The following GULP1 variants were observed in gnomAD, a reference collection of about 807,000 sequenced individuals.
GULP1 encodes the protein GULP PTB domain containing engulfment adaptor 1.
Under a neutral mutation model 40.9 loss-of-function variants are expected in GULP1, and 19 were observed. The ratio of observed to expected loss-of-function variants is 0.46; its 90% CI spans 0.32 to 0.68. GULP1 has a LOEUF of 0.68. Among genes scored for constraint, GULP1 ranks in the 30% least tolerant of loss-of-function variants. The pLI, the probability that GULP1 is intolerant of heterozygous loss-of-function variation, is 0.03. For synonymous variants in GULP1, 119 were observed against 117.6 expected (o/e 1.01, Z -0.08); for missense variants, 312 against 362.2 (o/e 0.86, Z 1.12).
At chr2:188,368,788 C>T (rs1322834400) in intron 1 of GULP1, among the ~76,000 whole-genome samples, 1 of 150,784 alleles carries the variant, frequency 6.6e-6, no homozygotes, top group Non-Finnish European at 1.5e-5. Context: ...AAATGAAAAA[C>T]ATATTTCCTT....
intron 7 of GULP1, among the ~76,000 whole-genome samples, chr2:188,555,747 A>G (rs1311606035): frequency 6.6e-6 from 1 of 152,050 alleles, no homozygotes; most frequent in African/African-American, 2.4e-5. Flanking sequence ...GGATATTTAT[A>G]TCTCCTGCTA....
At chr2:188,469,516 G>T (rs1377605326) in intron 2 of GULP1, among the ~76,000 whole-genome samples, 1 of 152,104 alleles carries the variant, frequency 6.6e-6, no homozygotes, top group Non-Finnish European at 1.5e-5. Flanking sequence ...TTCTGGGGAG[G>T]CTTCAGGAAC....
At chr2:188,325,589 A>T (rs1367719448) in intron 1 of GULP1, among the ~76,000 whole-genome samples, 1 of 152,054 alleles carries the variant, frequency 6.6e-6, no homozygotes, top group Non-Finnish European at 1.5e-5. Flanking sequence ...ATAATTTTTT[A>T]TGTTTAATTT....
At chr2:188,416,174 T>G (rs2054553159) in intron 2 of GULP1, among the ~76,000 whole-genome samples, 1 of 152,130 alleles carries the variant, frequency 6.6e-6, no homozygotes, top group Admixed American at 6.6e-5. Flanking sequence ...CCCTCTCTCT[T>G]TTTCCTCCCT....
chr2:188,582,468 C>T (rs557770023), intron 9 of GULP1: 7 of 471,576 alleles, frequency 1.5e-5, no homozygotes, highest in Admixed American at 4.7e-5. Context: ...CCTATCAACT[C>T]GCCTGATTCC....
chr2:188,384,717 C>T (rs1183835976), intron 2 of GULP1, among the ~76,000 whole-genome samples: 2 of 152,162 alleles, frequency 1.3e-5, no homozygotes, highest in African/African-American at 2.4e-5. Context: ...AAATAGGGTA[C>T]AGGAATTGGG....
At position 188,447,856 on chromosome 2, in the gene GULP1, G is replaced by T. The variant is rs541139402; in HGVS notation, c.-44-29803G>T. 2.0e-5 allele frequency among the ~76,000 whole-genome samples: 3 copies of T among 152,286 alleles called. No homozygotes were observed. In the South Asian group the frequency reaches 6.2e-4, roughly 32 times the overall value. ...CCATACTCACAACCTGCATGATGCT[G>T]TAAATGTGTCTTGTTTTCTTATTGA... is the stretch of plus-strand genomic sequence containing the variant. On this transcript the variant is annotated intron_variant, in intron 2 of 11. Coordinates refer to ENST00000409830, the MANE Select transcript of GULP1 (RefSeq NM_016315.4).
At chr2:188,521,338 A>G (rs2065756940) in intron 4 of GULP1, among the ~76,000 whole-genome samples, 1 of 152,036 alleles carries the variant, frequency 6.6e-6, no homozygotes, top group South Asian at 2.1e-4. Context: ...TTATTATGAA[A>G]CTTTTTTCAC....
chr2:188,490,960 T>G (rs6434284), intron 4 of GULP1, among the ~76,000 whole-genome samples: 1 of 151,928 alleles, frequency 6.6e-6, no homozygotes, highest in Admixed American at 6.6e-5. Context: ...TGCACCACCA[T>G]GCCTGGCTAA....
intron 2 of GULP1, among the ~76,000 whole-genome samples, chr2:188,400,047 A>G (rs1386388113): frequency 2.0e-5 from 3 of 152,174 alleles, no homozygotes. Flanking sequence ...TTAAAACAAC[A>G]AAAATTCATT....
At chr2:188,575,493 C>T (rs1699990363) in intron 9 of GULP1, among the ~76,000 whole-genome samples, 1 of 151,580 alleles carries the variant, frequency 6.6e-6, no homozygotes, top group Non-Finnish European at 1.5e-5. Context: ...ATGAATAAAA[C>T]AAAATAGAGC....
At chr2:188,390,042 T>C (rs1050048022) in intron 2 of GULP1, among the ~76,000 whole-genome samples, 6 of 152,212 alleles carry the variant, frequency 3.9e-5, no homozygotes, top group Admixed American at 3.3e-4. Flanking sequence ...GCACTTAAGT[T>C]GCTTCCATAT....
chr2:188,390,420 A>C (rs1217929331), intron 2 of GULP1, among the ~76,000 whole-genome samples: 1 of 152,050 alleles, frequency 6.6e-6, no homozygotes, highest in African/African-American at 2.4e-5. Context: ...TGCTTTTGAG[A>C]AATATCTATT....
At chr2:188,457,659 A>C (rs995053657) in intron 2 of GULP1, among the ~76,000 whole-genome samples, 1 of 152,198 alleles carries the variant, frequency 6.6e-6, no homozygotes, top group Non-Finnish European at 1.5e-5. Context: ...TGTAGTTTTT[A>C]AGGCTGGATC....
At chr2:188,358,181 AAACAAC>A (rs201363968) in intron 1 of GULP1, among the ~76,000 whole-genome samples, 237 of 151,792 alleles carry the variant, frequency 1.6e-3, no homozygotes, top group Non-Finnish European at 2.5e-3. Flanking sequence ...ACTCCATCTC[AAACAAC>A]AACAACAACA....
At chr2:188,526,439 A>G (rs909270942) in intron 5 of GULP1, among the ~76,000 whole-genome samples, 3 of 152,186 alleles carry the variant, frequency 2.0e-5, no homozygotes, top group Non-Finnish European at 2.9e-5. Flanking sequence ...ACATTAAAGT[A>G]GTAAATAGGG....
At chr2:188,383,208 G>A (rs2049235801) in intron 1 of GULP1, among the ~76,000 whole-genome samples, 1 of 152,094 alleles carries the variant, frequency 6.6e-6, no homozygotes, top group Non-Finnish European at 1.5e-5. Flanking sequence ...AAGAATTTTT[G>A]TTTTGTTTGT....
At chr2:188,472,179 CT>C (rs1478114891) in intron 2 of GULP1, among the ~76,000 whole-genome samples, 1 of 152,002 alleles carries the variant, frequency 6.6e-6, no homozygotes, top group African/African-American at 2.4e-5. Context: ...TATTTCCTTT[CT>C]TTTGTTGATT....
At chr2:188,346,612 C>T (rs1253343995) in intron 1 of GULP1, among the ~76,000 whole-genome samples, 2 of 151,802 alleles carry the variant, frequency 1.3e-5, no homozygotes, top group Non-Finnish European at 1.5e-5. Context: ...CCTGCCTCAG[C>T]CTCCCGAGTA....
Sources: gnomAD v4.1 joint callset for allele counts (sites outside exome capture counted in the v4.1 genomes callset) on GRCh38, gnomAD v4.1.1 for gene constraint, MANE v1.5 for transcripts, NCBI Gene and HGNC (gene_info 2026-07-23, HGNC 2026-07-21) for gene names.